Variants in NYAP2 observed in about 807,000 individuals in gnomAD.
NYAP2 encodes neuronal tyrosine-phosphorylated phosphoinositide-3-kinase adapter 2.
In NYAP2, 23 loss-of-function variants were observed where a neutral mutation model predicts 50.4. The ratio of observed to expected loss-of-function variants is 0.46; its 90% CI spans 0.33 to 0.65. NYAP2 has a LOEUF of 0.65. Ranked by LOEUF, NYAP2 falls within the 30% of genes least tolerant of loss-of-function variation. The probability of loss-of-function intolerance (pLI) is 0.02; values close to 1 mark genes in which losing one functional copy is unlikely to be tolerated. For synonymous variants in NYAP2, 394 were observed against 365.2 expected (o/e 1.08, Z -0.90); for missense variants, 885 against 861.0 (o/e 1.03, Z -0.35).
intron 3 of NYAP2, among the ~76,000 whole-genome samples, chr2:225,496,760 T>G (rs1690513726): frequency 6.6e-6 from 1 of 152,148 alleles, no homozygotes; most frequent in Non-Finnish European, 1.5e-5. Context: ...GGGTGGATCT[T>G]AAATTTAAAT....
At chr2:225,470,691 T>A (rs1395766437) in intron 3 of NYAP2, among the ~76,000 whole-genome samples, 1 of 152,194 alleles carries the variant, frequency 6.6e-6, no homozygotes, top group Non-Finnish European at 1.5e-5. Context: ...TACTTGGGAC[T>A]GTGGTTAAAA....
rs1692312072 is a variant in NYAP2 at position 225,582,639 on chromosome 2, C to T, written c.1222C>T (p.Pro408Ser). The T allele has an allele frequency of 1.9e-6, 3 of 1,596,396 alleles. No homozygotes were observed. Among genetic ancestry groups the T allele is most frequent in the South Asian group, 1.1e-5 (1 of 87,980 alleles). ...GGCCCTGGGACCTGCCTCTGCCACC[C>T]CTGCGCTCTCCTCGTCGCCCCCACC... The change falls in exon 5 of 7, where the codon CCT becomes TCT. Residue 408 changes from proline to serine, a missense_variant. Transcript: ENST00000636099. The surrounding 1 kb of genome is among the most constrained non-coding windows in gnomAD (Gnocchi z 7.0).
intron 5 of NYAP2, among the ~76,000 whole-genome samples, chr2:225,598,683 G>A (rs1456231614): frequency 6.6e-6 from 1 of 152,202 alleles, no homozygotes; most frequent in East Asian, 1.9e-4. Context: ...CATAGAGAAG[G>A]CAATGCATGA....
chr2:225,562,065 G>A (rs1691885852), intron 4 of NYAP2, among the ~76,000 whole-genome samples: 1 of 152,104 alleles, frequency 6.6e-6, no homozygotes, highest in Non-Finnish European at 1.5e-5. Context: ...GGGGCAGGAG[G>A]GAGTGGGAGC....
chr2:225,697,202 T>C, the NYAP2 span, among the ~76,000 whole-genome samples: 1 of 151,932 alleles, frequency 6.6e-6, no homozygotes, highest in African/African-American at 2.4e-5. Flanking sequence ...GTGCCACATA[T>C]ACCTGGAAGC....
chr2:225,694,544 A>G, the NYAP2 span, among the ~76,000 whole-genome samples: 3 of 151,882 alleles, frequency 2.0e-5, no homozygotes, highest in African/African-American at 7.2e-5. Flanking sequence ...TTGGAGTTCG[A>G]TTTTGAGAAT....
At chr2:225,685,727 T>C in the NYAP2 span, among the ~76,000 whole-genome samples, 29 of 152,310 alleles carry the variant, frequency 1.9e-4, no homozygotes, top group African/African-American at 7.0e-4. Context: ...TATTGCTTTT[T>C]AAAGATTATA....
intron 5 of NYAP2, among the ~76,000 whole-genome samples, chr2:225,619,018 A>G (rs1202721867): frequency 2.0e-5 from 3 of 152,220 alleles, no homozygotes; most frequent in African/African-American, 7.2e-5. Context: ...GATGACATAG[A>G]TTAGACGATT....
In NYAP2 at chr2:225,495,317, G is replaced by A. The variant is rs543794306; in HGVS notation, c.222-18054G>A. Among the ~76,000 whole-genome samples, 34 of 152,066 alleles carry A rather than the reference G, an allele frequency of 2.2e-4. 1 individual carries two copies. Among genetic ancestry groups the A allele is most frequent in the South Asian group, 2.1e-4 (1 of 4,822 alleles). On this transcript the variant is annotated intron_variant, in intron 3 of 6. Coordinates refer to ENST00000636099, the Ensembl canonical transcript of NYAP2. The stretch of plus-strand genomic sequence containing the variant: ...AGGGGTTAGGAAAGAGGGAATTTTC[G>A]AAAACAGCTGTCAATGAGAATAGAT...
intron 5 of NYAP2, among the ~76,000 whole-genome samples, chr2:225,625,840 G>T (rs1345949133): frequency 2.6e-5 from 4 of 152,164 alleles, no homozygotes; most frequent in Admixed American, 1.3e-4. Flanking sequence ...ATTTTCAATA[G>T]ATCATTTTGG....
intron 4 of NYAP2, among the ~76,000 whole-genome samples, chr2:225,579,612 C>T (rs1370724755): frequency 6.6e-6 from 1 of 152,210 alleles, no homozygotes; most frequent in East Asian, 1.9e-4. Context: ...CCAAAGGCCA[C>T]CTTCTCATCT....
intron 4 of NYAP2, among the ~76,000 whole-genome samples, chr2:225,531,426 C>T (rs561825930): frequency 6.6e-6 from 1 of 152,116 alleles, no homozygotes; most frequent in Admixed American, 6.5e-5. Context: ...TGTACAATGC[C>T]ATTATATCTG....
the NYAP2 span, among the ~76,000 whole-genome samples, chr2:225,664,269 G>C: frequency 1.3e-5 from 2 of 152,224 alleles, no homozygotes; most frequent in South Asian, 4.1e-4. Context: ...TTTTTCCAAG[G>C]AGCATGTATG....
intron 4 of NYAP2, among the ~76,000 whole-genome samples, chr2:225,529,297 TTTTG>T (rs1046896674): frequency 4.6e-5 from 7 of 152,018 alleles, no homozygotes; most frequent in Admixed American, 2.6e-4. Flanking sequence ...CTTGCCTATC[TTTTG>T]TTTGTTTTTT....
At chr2:225,442,627 G>GT (rs1253600803) in intron 3 of NYAP2, among the ~76,000 whole-genome samples, 1 of 152,026 alleles carries the variant, frequency 6.6e-6, no homozygotes, top group African/African-American at 2.4e-5. Flanking sequence ...CCAGGCTGGA[G>GT]TGCAGTGGCA....
At chr2:225,688,823 A>G in the NYAP2 span, among the ~76,000 whole-genome samples, 1 of 152,066 alleles carries the variant, frequency 6.6e-6, no homozygotes, top group Non-Finnish European at 1.5e-5. Flanking sequence ...GCTCATTGCA[A>G]CCTCTGCCTC....
intron 4 of NYAP2, among the ~76,000 whole-genome samples, chr2:225,544,221 G>GT (rs796586708): frequency 0.031 from 4,371 of 141,024 alleles, 138 homozygotes; most frequent in African/African-American, 0.083. Context: ...ATGATTGGGT[G>GT]TTTTTTTTTT....
chr2:225,513,320 A>G, intron 3 of NYAP2, 51 bp from the exon 4 acceptor site: 2 of 1,550,044 alleles, frequency 1.3e-6, no homozygotes, highest in Non-Finnish European at 1.8e-6. Context: ...ATGATCTTGT[A>G]TATCCTGGCT....
intron 5 of NYAP2, among the ~76,000 whole-genome samples, chr2:225,586,939 T>C (rs914594808): frequency 6.6e-6 from 1 of 152,214 alleles, no homozygotes; most frequent in African/African-American, 2.4e-5. Context: ...TCCACATGGC[T>C]GGGGAGGCCT....
Sources: allele counts gnomAD v4.1 joint callset (sites outside exome capture counted in the v4.1 genomes callset), GRCh38; gene constraint gnomAD v4.1.1; non-coding constraint Gnocchi (gnomAD v3.1); transcripts MANE v1.5; gene names NCBI Gene and HGNC (gene_info 2026-07-23, HGNC 2026-07-21).